The following AFDN variants were observed in gnomAD, a reference collection of about 807,000 sequenced individuals.
AFDN encodes the protein afadin.
A neutral mutation model predicts 216.6 loss-of-function variants in AFDN; 68 were observed. The ratio of observed to expected loss-of-function variants is 0.31; its 90% confidence interval spans 0.26 to 0.38. The LOEUF is 0.38. Ranked by LOEUF, AFDN falls within the 10% of genes least tolerant of loss-of-function variation. The pLI is 1.00. For missense variants in AFDN, 2,136 were observed against 2,342.0 expected (o/e 0.91, Z 1.82); for synonymous variants, 868 against 853.7 (o/e 1.02, Z -0.29).
chr6:167,924,892 TTTTC>T (rs763794864), intron 22 of AFDN, 109 bp from the exon 23 acceptor site: 1 of 810,492 alleles, frequency 1.2e-6, no homozygotes, highest in Non-Finnish European at 2.2e-6. Context: ...TTCTCATCCT[TTTTC>T]TTTCCCCATT....
In AFDN at chr6:167,885,724, G is replaced by A. The variant is rs184848266; in HGVS notation, c.898-3491G>A. 7.0e-3 allele frequency among the ~76,000 whole-genome samples: 1,066 copies of A among 152,334 alleles called. 16 individuals are homozygous for A. The highest frequency in any genetic ancestry group is 0.024 in the African/African-American group (1,013 of 41,584). On this transcript the variant is annotated intron_variant, in intron 6 of 33. Coordinates refer to ENST00000683244, the MANE Select transcript of AFDN (RefSeq NM_001386888.1). ...AGTGAGCAATGCTGTTGGAAAAATG[G>A]CATCAGTAGGCGTGCTCAACGCAGG... is the stretch of plus-strand genomic sequence containing the variant.
chr6:167,932,132 C>G (rs1204819635), intron 23 of AFDN, among the ~76,000 whole-genome samples: 1 of 152,126 alleles, frequency 6.6e-6, no homozygotes, highest in Non-Finnish European at 1.5e-5. Context: ...AGACTTGTGT[C>G]GTTAAATTTT....
In AFDN at chr6:167,968,920, T is replaced by C. The variant is rs150422413; in HGVS notation, c.5258-194T>C. On this transcript the variant is annotated intron_variant, in intron 32 of 33. Transcript: ENST00000683244. ...ACATTTTAGCACCTTTTGAGAGTAG[T>C]AATTGGATTACTCAGGCCACCAACA... 107 of 558,672 alleles carry C rather than the reference T, an allele frequency of 1.9e-4. No individual in the cohort carries two copies. In the East Asian group the frequency reaches 2.5e-3, roughly 13 times the overall value. 34.6% of individuals were successfully genotyped at this position (558,672 alleles called of 1,614,324 possible). A position where few individuals can be genotyped will look rare whatever the true frequency, so the allele number is the denominator to read the frequency against.
chr6:167,902,269 T>C (rs1373882272), intron 11 of AFDN, 48 bp from the exon 12 acceptor site: 1 of 1,356,296 alleles, frequency 7.4e-7, no homozygotes, highest in South Asian at 1.2e-5. Flanking sequence ...ACTATGCCTG[T>C]CATTGGAATG....
At chr6:167,865,838 C>CA (rs1784117426) in intron 2 of AFDN, among the ~76,000 whole-genome samples, 1 of 150,526 alleles carries the variant, frequency 6.6e-6, no homozygotes, top group African/African-American at 2.4e-5. Context: ...TTTCTTTGTA[C>CA]ATATGAAAAT....
intron 30 of AFDN, among the ~76,000 whole-genome samples, chr6:167,955,252 G>A (rs1279879966): frequency 2.0e-5 from 3 of 151,872 alleles, no homozygotes; most frequent in Non-Finnish European, 4.4e-5. Flanking sequence ...GTGAATCAAG[G>A]TTTGACTTTA....
chr6:167,906,258 A>G (rs541578302), intron 12 of AFDN, among the ~76,000 whole-genome samples: 22 of 152,338 alleles, frequency 1.4e-4, no homozygotes, highest in Admixed American at 4.6e-4. Flanking sequence ...AGACAACAAA[A>G]TGTTATACAG....
Position 167,933,101 on chromosome 6 carries a change from A to G in AFDN, c.3099+8010A>G, listed in dbSNP as rs79108915. On this transcript the variant is annotated intron_variant, in intron 23 of 33. Transcript: ENST00000683244. ...GCTGAAGACATGGACAAGAATATCTATGATGTAACCTGTATTTGGCCCCAT... is the reference window on the plus strand; with the variant it reads ...GCTGAAGACATGGACAAGAATATCTGTGATGTAACCTGTATTTGGCCCCAT... 5.9e-3 allele frequency among the ~76,000 whole-genome samples: 901 copies of G among 152,336 alleles called. 16 individuals are homozygous for G. Among genetic ancestry groups the G allele is most frequent in the African/African-American group, 0.021 (861 of 41,576 alleles).
At chr6:167,826,738 G>A (rs753362402), upstream of AFDN, 36 of 383,262 alleles carry the variant, frequency 9.4e-5, no homozygotes, top group Non-Finnish European at 1.6e-4. Context: ...AGCACCGCGC[G>A]GGGCCCGCCC....
chr6:167,897,502 T>A (rs1334898656), intron 10 of AFDN, among the ~76,000 whole-genome samples: 2 of 152,208 alleles, frequency 1.3e-5, no homozygotes, highest in Admixed American at 1.3e-4. Flanking sequence ...GGGTTCAGAT[T>A]GTTAATATCA....
chr6:167,882,740 G>A (rs1345974952), intron 6 of AFDN, among the ~76,000 whole-genome samples: 1 of 152,178 alleles, frequency 6.6e-6, no homozygotes, highest in East Asian at 1.9e-4. Context: ...AAGAAGTTTA[G>A]TTTCTAGGTT....
At chr6:167,849,389 G>A (rs1047942339) in intron 1 of AFDN, among the ~76,000 whole-genome samples, 4 of 151,984 alleles carry the variant, frequency 2.6e-5, no homozygotes, top group Non-Finnish European at 4.4e-5. Context: ...ATTCTTGTTT[G>A]TTGCCGTTTC....
At chr6:167,876,247 A>G (rs1167820057) in intron 5 of AFDN, among the ~76,000 whole-genome samples, 2 of 152,192 alleles carry the variant, frequency 1.3e-5, no homozygotes, top group Non-Finnish European at 2.9e-5. Context: ...CCTATAACTG[A>G]GTCGTAATTA....
intron 6 of AFDN, among the ~76,000 whole-genome samples, chr6:167,883,033 G>A (rs1383959179): frequency 6.6e-6 from 1 of 151,922 alleles, no homozygotes; most frequent in Non-Finnish European, 1.5e-5. Context: ...AAACATACAA[G>A]GCAAAAATTT....
chr6:167,864,963 G>T, intron 2 of AFDN: 2 of 714,056 alleles, frequency 2.8e-6, no homozygotes, highest in African/African-American at 1.7e-5. Flanking sequence ...AAGTTAGAAT[G>T]AATATATTAA....
intron 1 of AFDN, among the ~76,000 whole-genome samples, chr6:167,840,167 T>C (rs1392760293): frequency 6.6e-6 from 1 of 152,170 alleles, no homozygotes; most frequent in African/African-American, 2.4e-5. Flanking sequence ...GGAAGTGATG[T>C]TTATTCTGAA....
At chr6:167,889,826 A>G (rs1026104040) in intron 7 of AFDN, among the ~76,000 whole-genome samples, 1 of 152,242 alleles carries the variant, frequency 6.6e-6, no homozygotes, top group African/African-American at 2.4e-5. Flanking sequence ...TACAGCAAGA[A>G]GCGAAAGATC....
intron 21 of AFDN, among the ~76,000 whole-genome samples, chr6:167,921,075 C>G (rs1442123684): frequency 6.6e-6 from 1 of 152,252 alleles, no homozygotes; most frequent in Non-Finnish European, 1.5e-5. Context: ...CATGGGCCTG[C>G]TGTATGTTCA....
chr6:167,958,088 A>C (rs1448008206), intron 30 of AFDN, among the ~76,000 whole-genome samples: 2 of 152,222 alleles, frequency 1.3e-5, no homozygotes, highest in Non-Finnish European at 2.9e-5. Flanking sequence ...TGCCACAAGT[A>C]GAAAATTCCA....
Sources: allele counts gnomAD v4.1 joint callset (sites outside exome capture counted in the v4.1 genomes callset), GRCh38; gene constraint gnomAD v4.1.1; transcripts MANE v1.5; gene names NCBI Gene and HGNC (gene_info 2026-07-23, HGNC 2026-07-21).